PDIA4: variants seen among roughly 807,000 people sequenced by gnomAD.
PDIA4 encodes protein disulfide-isomerase A4.
Under a neutral mutation model 62.1 loss-of-function variants are expected in PDIA4, and 33 were observed. That is an observed-to-expected ratio of 0.53 (90% CI 0.40 to 0.71). The LOEUF is 0.71. Among genes scored for constraint, PDIA4 ranks in the 30% least tolerant of loss-of-function variants. PDIA4 has a pLI of 0.00. For synonymous variants in PDIA4, 341 were observed against 324.1 expected (o/e 1.05, Z -0.56); for missense variants, 804 against 813.6 (o/e 0.99, Z 0.14).
chr7:149,027,491 T>C, intron 1 of PDIA4, among the ~76,000 whole-genome samples: 1 of 152,210 alleles, frequency 6.6e-6, no homozygotes, highest in East Asian at 1.9e-4. Context: ...AGCTAGTGAT[T>C]AAAAGTAAGG....
rs747744596 is a variant in PDIA4 at position 149,021,095 on chromosome 7, TTCCTCCTCC to T, written c.132_140del (p.Glu45_Glu47del). The stretch of plus-strand genomic sequence containing the variant: ...AGTCGTCTTCTTCCTCATCATCATC[TTCCTCCTCC>T]TCCTCCTCTTCATCCTCAATGGCAT... On this transcript the variant is annotated inframe_deletion, in exon 2 of 10. Coordinates refer to ENST00000652332, the MANE Select transcript of PDIA4 (RefSeq NM_004911.5). 34 of 1,609,302 alleles carry T rather than the reference TTCCTCCTCC, an allele frequency of 2.1e-5. No individual in the cohort carries two copies. Among genetic ancestry groups the T allele is most frequent in the Non-Finnish European group, 2.6e-5 (31 of 1,176,574 alleles).
intron 2 of PDIA4, 129 bp from the exon 3 acceptor site, chr7:149,019,326 T>C (rs1824260982): frequency 1.4e-6 from 1 of 702,532 alleles, no homozygotes; most frequent in Non-Finnish European, 2.5e-6. Flanking sequence ...TGATCCCCAG[T>C]GTGGCAGTGT....
Position 149,028,499 on chromosome 7 carries a change from G to A in PDIA4, c.-91C>T. 1 of 890,258 alleles carries A rather than the reference G, an allele frequency of 1.1e-6. No homozygotes were observed. Among genetic ancestry groups the A allele is most frequent in the Admixed American group, 3.6e-5 (1 of 28,036 alleles). The allele number at this position is 890,258 out of a possible 1,614,324, so 55.1% of individuals were successfully genotyped here. On this transcript the variant is annotated 5_prime_UTR_variant, in exon 1 of 10. Transcript: ENST00000652332. ...CTGGCCGACAGCCCGTCGCTCCTTA[G>A]CGACGCGGGGGAGCCGGAAAAACCC...
rs780249650 is a variant in PDIA4, at chr7:149,005,219, T to C, written c.1444A>G (p.Ser482Gly). Residue 482 changes from serine to glycine, a missense_variant, in exon 9 of 10, where the codon AGT becomes GGT. Transcript: ENST00000652332. Reference sequence around the variant, plus strand: ...GGCTCCATGGCGAACTTCTTCCCACTCTCGTCCAGGATGGCGGCATTGACA... The same window carrying C: ...GGCTCCATGGCGAACTTCTTCCCACCCTCGTCCAGGATGGCGGCATTGACA... ...EDVNAAILDE[S>G]GKKFAMEPEE... 27 of 1,614,102 alleles carry C rather than the reference T, an allele frequency of 1.7e-5. No homozygotes were observed. In the East Asian group the frequency reaches 5.1e-4, roughly 31 times the overall value.
chr7:149,020,609 G>A (rs1824308754), intron 2 of PDIA4, among the ~76,000 whole-genome samples: 1 of 152,190 alleles, frequency 6.6e-6, no homozygotes, highest in African/African-American at 2.4e-5. Flanking sequence ...AGGCAGGGTG[G>A]CCTGAGACAG....
chr7:149,012,893 C>T (rs192847558), intron 4 of PDIA4, among the ~76,000 whole-genome samples: 13 of 152,098 alleles, frequency 8.5e-5, no homozygotes, highest in African/African-American at 3.1e-4. Context: ...TGACACAGAC[C>T]ACCCAGGGAG....
chr7:149,020,917 A>G lies in PDIA4; in HGVS notation c.269+50T>C, dbSNP rs748560481. The G allele has an allele frequency of 1.9e-6, 3 of 1,591,880 alleles. No homozygotes were observed. In the Admixed American group the frequency reaches 5.1e-5, roughly 27 times the overall value. On this transcript the variant is annotated intron_variant, in intron 2 of 9. Transcript: ENST00000652332. ...GGATGACCGGGTGAAGGGCTGAGCG[A>G]ATGGAGCACAGCGCTTGTCCACCTG...
At chr7:149,022,593 G>A (rs528810790) in intron 1 of PDIA4, among the ~76,000 whole-genome samples, 4 of 152,240 alleles carry the variant, frequency 2.6e-5, no homozygotes, top group Admixed American at 2.6e-4. Flanking sequence ...GGAGGTAAAT[G>A]AACGCTGCTA....
At chr7:149,007,784 G>A (rs181576524) in intron 7 of PDIA4, among the ~76,000 whole-genome samples, 25 of 152,376 alleles carry the variant, frequency 1.6e-4, no homozygotes, top group Non-Finnish European at 2.6e-4. Flanking sequence ...GAACAAACAC[G>A]ACTTGGCCTC....
intron 6 of PDIA4, among the ~76,000 whole-genome samples, 192 bp downstream of exon 6, chr7:149,011,654 G>A (rs1823948705): frequency 6.6e-6 from 1 of 152,148 alleles, no homozygotes; most frequent in Non-Finnish European, 1.5e-5. Context: ...CCTGCACCGA[G>A]GCCAGGAGGG....
Position 149,005,942 on chromosome 7 carries a change from C to A in PDIA4, c.1243G>T (p.Val415Leu). 1 of 1,532,244 alleles carries A rather than the reference C, an allele frequency of 6.5e-7. No individual in the cohort carries two copies. The highest frequency in any genetic ancestry group is 1.7e-4 in the Middle Eastern group (1 of 5,804). The allele number at this position is 1,532,244 out of a possible 1,614,324, so 94.9% of individuals were successfully genotyped here. The change falls in exon 8 of 10, where the codon GTG (valine) becomes TTG (leucine). Residue 415 changes from valine to leucine, a missense_variant. Val to Leu is a conservative substitution (Grantham distance 32). Coordinates refer to ENST00000652332, the MANE Select transcript of PDIA4 (RefSeq NM_004911.5). ...DAKRYTRRPL[V>L]VVYYSVDFSF... is the part of the protein sequence containing the mutation. ...AAGTCCACACTGTAGTAGACGACCA[C>A]CAGGGGGCGCCTGGTGTAGCGCTTA...
intron 2 of PDIA4, among the ~76,000 whole-genome samples, chr7:149,019,585 C>T (rs983399194): frequency 2.0e-5 from 3 of 151,922 alleles, no homozygotes; most frequent in African/African-American, 7.3e-5. Flanking sequence ...CCAAGGTGGG[C>T]GGATCACTTG....
intron 3 of PDIA4, among the ~76,000 whole-genome samples, chr7:149,015,388 C>A (rs1043925585): frequency 6.7e-6 from 1 of 150,140 alleles, no homozygotes; most frequent in Non-Finnish European, 1.5e-5. Flanking sequence ...TTACATATGC[C>A]TATGGATAGC....
At chr7:149,005,803 C>G (rs1823734505) in intron 8 of PDIA4, 94 bp downstream of exon 8, 1 of 1,038,746 alleles carries the variant, frequency 9.6e-7, no homozygotes, top group Admixed American at 2.9e-5. Flanking sequence ...GAGCCATGTA[C>G]ATACAGCCAC....
At chr7:149,019,591 A>G (rs1245592591) in intron 2 of PDIA4, among the ~76,000 whole-genome samples, 1 of 152,198 alleles carries the variant, frequency 6.6e-6, no homozygotes, top group Non-Finnish European at 1.5e-5. Flanking sequence ...TGGGCGGATC[A>G]CTTGAGATCA....
intron 4 of PDIA4, among the ~76,000 whole-genome samples, chr7:149,013,181 G>A (rs931563144): frequency 1.3e-5 from 2 of 152,106 alleles, no homozygotes; most frequent in African/African-American, 4.8e-5. Context: ...CCAGGGGGCG[G>A]AGGTTGCAGT....
chr7:149,027,577 C>T (rs1244566225), intron 1 of PDIA4, among the ~76,000 whole-genome samples: 1 of 152,214 alleles, frequency 6.6e-6, no homozygotes, highest in African/African-American at 2.4e-5. Context: ...TTAATTAGCA[C>T]TTCCTAATCT....
intron 1 of PDIA4, among the ~76,000 whole-genome samples, chr7:149,026,226 G>T (rs1257351066): frequency 6.6e-6 from 1 of 152,244 alleles, no homozygotes; most frequent in Non-Finnish European, 1.5e-5. Context: ...CCTCAGGGAT[G>T]AGAAAGGGTC....
In PDIA4 at chr7:149,028,032, C is replaced by CT. The variant is rs1563125982; in HGVS notation, c.88+288dup. ...GAAGGACCCAGCTGCAAAAAAGGCG[C>CT]TCTGCAGCCCTCTCCCAGCCTCGGG... On this transcript the variant is annotated intron_variant, in intron 1 of 9. Coordinates refer to ENST00000652332, the MANE Select transcript of PDIA4 (RefSeq NM_004911.5). 3 of 620,138 alleles carry CT rather than the reference C, an allele frequency of 4.8e-6. No homozygotes were observed. In the Admixed American group the frequency reaches 6.5e-5, roughly 13 times the overall value. The allele number at this position is 620,138 out of a possible 1,614,324, so 38.4% of individuals were successfully genotyped here. A position where few individuals can be genotyped will look rare whatever the true frequency, so the allele number is the denominator to read the frequency against.
Sources: allele counts gnomAD v4.1 joint callset (sites outside exome capture counted in the v4.1 genomes callset), GRCh38; gene constraint gnomAD v4.1.1; transcripts MANE v1.5; gene names NCBI Gene and HGNC (gene_info 2026-07-23, HGNC 2026-07-21).